The following MTMR10 variants were observed in gnomAD, a reference collection of about 807,000 sequenced individuals.
The protein encoded by MTMR10 is myotubularin-related protein 10.
In MTMR10, 56 loss-of-function variants were observed where a neutral mutation model predicts 88.1. The observed-to-expected ratio is 0.64, with a 90% CI of 0.51 to 0.79. The LOEUF is 0.79. Among genes scored for constraint, MTMR10 ranks in the 30% least tolerant of loss-of-function variants. The probability of loss-of-function intolerance (pLI) is 0.00; values close to 1 mark genes in which losing one functional copy is unlikely to be tolerated. For missense variants in MTMR10, 883 were observed against 924.7 expected (o/e 0.95, Z 0.58); for synonymous variants, 380 against 340.9 (o/e 1.11, Z -1.26).
Position 30,957,078 on chromosome 15 carries a change from A to G in MTMR10, c.935+1785T>C, listed in dbSNP as rs114245818. On this transcript the variant is annotated intron_variant, in intron 9 of 15. Coordinates refer to ENST00000435680, the MANE Select transcript of MTMR10 (RefSeq NM_017762.3). ...AGTTACGGTACAGTGGAAAAACCCTACACTCTGGCTGTACCAAAAAGGACT... is the reference window on the plus strand; with the variant it reads ...AGTTACGGTACAGTGGAAAAACCCTGCACTCTGGCTGTACCAAAAAGGACT... Among the ~76,000 whole-genome samples, 492 of 152,294 alleles carry G rather than the reference A, an allele frequency of 3.2e-3. 2 individuals are homozygous for G. The highest frequency in any genetic ancestry group is 0.01 in the African/African-American group (428 of 41,548).
At chr15:30,981,289 G>A (rs966092428) in intron 2 of MTMR10, among the ~76,000 whole-genome samples, 9 of 152,196 alleles carry the variant, frequency 5.9e-5, no homozygotes, top group African/African-American at 2.2e-4. Context: ...TTAGTGATTT[G>A]TTTCTAACAA....
downstream of MTMR10, among the ~76,000 whole-genome samples, chr15:30,935,921 G>A (rs867409550): frequency 1.2e-4 from 18 of 151,832 alleles, no homozygotes; most frequent in African/African-American, 3.1e-4. Context: ...CTAGGGTGCC[G>A]TTACATTTGT....
chr15:30,959,025 A>C lies in MTMR10; in HGVS notation c.846+9T>G. ...TCAGCATTCATAAAATCCAACAGAAATCACTTACTGGCATCCTTCTCCCAA... is the reference window on the plus strand; with the variant it reads ...TCAGCATTCATAAAATCCAACAGAACTCACTTACTGGCATCCTTCTCCCAA... On this transcript the variant is annotated intron_variant, in intron 8 of 15. Transcript: ENST00000435680. 3 of 1,613,742 alleles carry C rather than the reference A, an allele frequency of 1.9e-6. No individual in the cohort carries two copies. Among genetic ancestry groups the C allele is most frequent in the Non-Finnish European group, 2.5e-6 (3 of 1,179,674 alleles).
At chr15:30,985,675 C>CAGAAACAT (rs1349369353) in intron 2 of MTMR10, among the ~76,000 whole-genome samples, 1 of 152,220 alleles carries the variant, frequency 6.6e-6, no homozygotes, top group Non-Finnish European at 1.5e-5. Context: ...AAAGTATGTT[C>CAGAAACAT]AGAAACATGC....
intron 14 of MTMR10, chr15:30,943,459 C>CTGTT (rs1248142587): frequency 6.1e-6 from 6 of 985,238 alleles, no homozygotes; most frequent in African/African-American, 3.5e-5. Flanking sequence ...AAGTAGTTAC[C>CTGTT]TGTTGGTAAG....
chr15:30,977,046 G>T, intron 2 of MTMR10, 91 bp from the exon 3 acceptor site: 1 of 1,231,314 alleles, frequency 8.1e-7, no homozygotes, highest in Non-Finnish European at 1.1e-6. Context: ...ATGAGGGCAA[G>T]GATGAGGATA....
chr15:30,937,309 G>A, downstream of MTMR10: 1 of 1,523,674 alleles, frequency 6.6e-7, no homozygotes, highest in Admixed American at 2.1e-5. Flanking sequence ...ATTTTCAAGA[G>A]TATAAAACAT....
intron 2 of MTMR10, among the ~76,000 whole-genome samples, chr15:30,985,265 G>C (rs893625881): frequency 6.6e-6 from 1 of 152,166 alleles, no homozygotes; most frequent in Non-Finnish European, 1.5e-5. Context: ...TCCATTTTCT[G>C]GCAGCTGAAA....
chr15:30,990,509 A>G (rs559332272), intron 2 of MTMR10, among the ~76,000 whole-genome samples: 7 of 152,372 alleles, frequency 4.6e-5, no homozygotes, highest in African/African-American at 1.4e-4. Flanking sequence ...CATTAATGCA[A>G]TAAGTGGCAA....
chr15:30,959,168 A>G (rs547593715), intron 7 of MTMR10, 47 bp from the exon 8 acceptor site: 165 of 1,470,598 alleles, frequency 1.1e-4, no homozygotes, highest in Middle Eastern at 1.7e-4. Flanking sequence ...TAAAAGCAGG[A>G]ATAGTGTGCT....
chr15:30,923,312 C>G, the MTMR10 span, among the ~76,000 whole-genome samples: 1 of 152,184 alleles, frequency 6.6e-6, no homozygotes, highest in Non-Finnish European at 1.5e-5. Context: ...GAGAAAGCAT[C>G]TGGTAGCCTA....
the MTMR10 span, among the ~76,000 whole-genome samples, chr15:30,924,364 G>C: frequency 6.6e-6 from 1 of 152,174 alleles, no homozygotes; most frequent in South Asian, 2.1e-4. Flanking sequence ...TGGAACTGCT[G>C]GGTCCTGTGG....
the MTMR10 span, chr15:30,927,780 G>A: frequency 2.0e-6 from 2 of 985,842 alleles, no homozygotes; most frequent in Non-Finnish European, 2.4e-6. Flanking sequence ...GACTTGGAGG[G>A]CAGCTGGATG....
the MTMR10 span, among the ~76,000 whole-genome samples, chr15:30,926,262 T>C: frequency 3.7e-4 from 56 of 152,332 alleles, no homozygotes; most frequent in Middle Eastern, 3.4e-3. Context: ...CCATTCAGTG[T>C]TCCTTCTGTT....
Position 30,991,575 on chromosome 15 carries a change from G to T in MTMR10, c.-69C>A. 6.7e-7 allele frequency: 1 copy of T among 1,502,720 alleles called. No individual in the cohort carries two copies. The allele number at this position is 1,502,720 out of a possible 1,614,324, so 93.1% of individuals were successfully genotyped here. The stretch of plus-strand genomic sequence containing the variant: ...CAGCGCCGACGCCTCCGGGCGTAAA[G>T]CTCTCAGTGCGGCCGCCCAGGCCCT... On this transcript the variant is annotated 5_prime_UTR_variant, in exon 1 of 16. Transcript: ENST00000435680.
chr15:30,973,576 C>T (rs1416427117), intron 5 of MTMR10, among the ~76,000 whole-genome samples: 1 of 152,084 alleles, frequency 6.6e-6, no homozygotes, highest in Non-Finnish European at 1.5e-5. Flanking sequence ...AAGCCACGTC[C>T]TATTATACTA....
chr15:30,985,838 C>T (rs2030906350), intron 2 of MTMR10, among the ~76,000 whole-genome samples: 1 of 152,184 alleles, frequency 6.6e-6, no homozygotes, highest in Non-Finnish European at 1.5e-5. Context: ...TGGCCACTTG[C>T]AGCATTACCA....
chr15:30,954,423 A>C (rs890419495), intron 10 of MTMR10, among the ~76,000 whole-genome samples: 7 of 152,160 alleles, frequency 4.6e-5, no homozygotes, highest in African/African-American at 1.7e-4. Flanking sequence ...ACCTATCTCA[A>C]AGTATAACTG....
chr15:30,944,759 C>T (rs1389470910), intron 14 of MTMR10, among the ~76,000 whole-genome samples: 3 of 151,828 alleles, frequency 2.0e-5, no homozygotes, highest in Non-Finnish European at 4.4e-5. Flanking sequence ...GCCTGTAATC[C>T]CAGTACTTTG....
Sources: gnomAD v4.1 joint callset for allele counts (sites outside exome capture counted in the v4.1 genomes callset) on GRCh38, gnomAD v4.1.1 for gene constraint, MANE v1.5 for transcripts, NCBI Gene and HGNC (gene_info 2026-07-23, HGNC 2026-07-21) for gene names.